MLLT10: variants seen among roughly 807,000 people sequenced by gnomAD.
MLLT10 encodes MLLT10 histone lysine methyltransferase DOT1L cofactor.
Under a neutral mutation model 129.1 loss-of-function variants are expected in MLLT10, and 30 were observed. That is an observed-to-expected ratio of 0.23 (90% confidence interval 0.17 to 0.32). The LOEUF (loss-of-function observed/expected upper bound fraction) is 0.32, where lower values mean the gene tolerates loss of function less well. MLLT10 is among the 10% of genes least tolerant of loss of function. The pLI, the probability that MLLT10 is intolerant of heterozygous loss-of-function variation, is 1.00. For missense variants in MLLT10, 1,119 were observed against 1,268.3 expected (o/e 0.88, Z 1.79); for synonymous variants, 490 against 446.4 (o/e 1.10, Z -1.23).
chr10:21,582,062 T>A (rs1439260158), intron 3 of MLLT10, among the ~76,000 whole-genome samples: 1 of 152,174 alleles, frequency 6.6e-6, no homozygotes, highest in Non-Finnish European at 1.5e-5. Context: ...GCAGACTGCA[T>A]TTTGAGAGAG....
rs747610619 is a variant in MLLT10, at chr10:21,569,554, A to G, written c.241-16740A>G. Among the ~76,000 whole-genome samples the G allele has an allele frequency of 2.0e-3, 291 of 148,550 alleles. 1 individual carries two copies. Among genetic ancestry groups the G allele is most frequent in the Middle Eastern group, 0.011 (3 of 276 alleles). ...TCCTGCCTCAGCCTCCCGAGTAGCT[A>G]GGATTACTGTTGTGCGCCATCATGC... On this transcript the variant is annotated intron_variant, in intron 3 of 22. Coordinates refer to ENST00000307729, the MANE Select transcript of MLLT10 (RefSeq NM_001195626.3).
chr10:21,696,826 C>G (rs536134862), intron 13 of MLLT10, among the ~76,000 whole-genome samples: 2 of 152,182 alleles, frequency 1.3e-5, no homozygotes, highest in African/African-American at 4.8e-5. Context: ...AGTCATCTCC[C>G]TGACTCCACT....
intron 8 of MLLT10, among the ~76,000 whole-genome samples, chr10:21,634,203 C>T (rs1385171068): frequency 2.6e-5 from 4 of 152,102 alleles, no homozygotes; most frequent in African/African-American, 9.7e-5. Context: ...TCACACCCAG[C>T]CTGGGTGACA....
At chr10:21,708,428 A>G (rs1281130079) in intron 13 of MLLT10, among the ~76,000 whole-genome samples, 1 of 152,242 alleles carries the variant, frequency 6.6e-6, no homozygotes, top group South Asian at 2.1e-4. Flanking sequence ...GAAGAATTTA[A>G]GGTGGATGTT....
intron 8 of MLLT10, among the ~76,000 whole-genome samples, chr10:21,623,240 C>T (rs2046079445): frequency 2.0e-5 from 3 of 152,140 alleles, no homozygotes; most frequent in Admixed American, 1.3e-4. Flanking sequence ...AGCCCTTCAC[C>T]CCTCAACAGA....
At chr10:21,737,391 G>A (rs1156808470) in intron 21 of MLLT10, among the ~76,000 whole-genome samples, 1 of 152,124 alleles carries the variant, frequency 6.6e-6, no homozygotes, top group Non-Finnish European at 1.5e-5. Flanking sequence ...GGGCAGTTTC[G>A]ACTCATTTTG....
rs779340444 is a variant in MLLT10 at position 21,734,073 on chromosome 10, C to A, written c.2802C>A (p.Thr934=). The change falls in exon 20 of 23, where the codon ACC becomes ACA. Residue 934 remains threonine (T), a synonymous_variant. Coordinates refer to ENST00000307729, the MANE Select transcript of MLLT10 (RefSeq NM_001195626.3). ...VTMSQNPTPL[T]HTTVPPNATH... ...TGTCCCAGAACCCTACCCCTCTCAC[C>A]CACACAACCGTACCACCTAATGCAA... 1.2e-6 allele frequency: 2 copies of A among 1,614,016 alleles called. No homozygotes were observed. Among genetic ancestry groups the A allele is most frequent in the Admixed American group, 3.3e-5 (2 of 60,022 alleles).
chr10:21,706,206 C>A (rs935719339), intron 13 of MLLT10, among the ~76,000 whole-genome samples: 1 of 152,196 alleles, frequency 6.6e-6, no homozygotes, highest in African/African-American at 2.4e-5. Context: ...CTCTCTCAAT[C>A]CTATTTAATT....
chr10:21,646,324 G>C (rs2048471355), intron 8 of MLLT10, among the ~76,000 whole-genome samples: 2 of 152,196 alleles, frequency 1.3e-5, no homozygotes, highest in South Asian at 4.1e-4. Context: ...ATTACAGAGA[G>C]CAAATGATGC....
chr10:21,625,707 G>A, intron 8 of MLLT10: 1 of 767,676 alleles, frequency 1.3e-6, no homozygotes, highest in South Asian at 1.3e-5. Flanking sequence ...ACAAAAGTCT[G>A]TTGTTTGCCA....
chr10:21,674,059 T>A, intron 11 of MLLT10, 140 bp downstream of exon 11: 1 of 679,894 alleles, frequency 1.5e-6, no homozygotes, highest in Non-Finnish European at 2.2e-6. Context: ...TCTCAGTTTT[T>A]AAATTTTCTA....
At chr10:21,658,043 T>G (rs1451477096) in intron 9 of MLLT10, among the ~76,000 whole-genome samples, 1 of 152,204 alleles carries the variant, frequency 6.6e-6, no homozygotes, top group Non-Finnish European at 1.5e-5. Flanking sequence ...ATTTAAAAGT[T>G]AAGCTTTTTT....
rs1247097581 is a variant in MLLT10 at position 21,681,423 on chromosome 10, A to G, written c.1666+47A>G. On this transcript the variant is annotated intron_variant, in intron 12 of 22. Coordinates refer to ENST00000307729, the MANE Select transcript of MLLT10 (RefSeq NM_001195626.3). The stretch of plus-strand genomic sequence containing the variant: ...ATAACCCGGGCCTTTTGTCTCCTCT[A>G]GTGCTCTTTCTAGTATGTTATGCCA... 10 of 1,354,424 alleles carry G rather than the reference A, an allele frequency of 7.4e-6. No individual in the cohort carries two copies. In the Admixed American group the frequency reaches 1.6e-4, roughly 22 times the overall value. The allele number at this position is 1,354,424 out of a possible 1,614,324, so 83.9% of individuals were successfully genotyped here. A position where few individuals can be genotyped will look rare whatever the true frequency, so the allele number is the denominator to read the frequency against.
At chr10:21,557,558 G>A (rs942498088) in intron 3 of MLLT10, 1 of 152,590 alleles carries the variant, frequency 6.6e-6, no homozygotes, top group Non-Finnish European at 1.5e-5. Context: ...CTTCCGTGGG[G>A]TTTAGGACTT....
rs372580182 is a variant in MLLT10, at chr10:21,673,399, A to G, written c.1101A>G (p.Ser367=). The G allele has an allele frequency of 8.4e-6, 13 of 1,556,808 alleles. No homozygotes were observed. The highest frequency in any genetic ancestry group is 1.5e-5 in the African/African-American group (1 of 68,692). Residue 367 remains serine (S), a synonymous_variant, in exon 11 of 23, where the codon TCA becomes TCG. Coordinates refer to ENST00000307729, the MANE Select transcript of MLLT10 (RefSeq NM_001195626.3). Reference sequence around the variant, plus strand: ...GTGTAAAGTCATCTTCTGGAAGTTCAGTGCAGTCTCCCCAGGATTTCCTGA... The same window carrying G: ...GTGTAAAGTCATCTTCTGGAAGTTCGGTGCAGTCTCCCCAGGATTTCCTGA... ...PGSVKSSSGS[S]VQSPQDFLSF...
chr10:21,668,557 C>T (rs997758768), intron 9 of MLLT10, among the ~76,000 whole-genome samples: 1 of 151,972 alleles, frequency 6.6e-6, no homozygotes, highest in Non-Finnish European at 1.5e-5. Context: ...TGATTATGTT[C>T]TGAAACGTAG....
intron 14 of MLLT10, among the ~76,000 whole-genome samples, chr10:21,719,014 G>A (rs941232000): frequency 6.6e-6 from 1 of 152,140 alleles, no homozygotes; most frequent in African/African-American, 2.4e-5. Context: ...GAGCCACCTC[G>A]CCTGGGCATA....
rs1036635585 is a variant in MLLT10, at chr10:21,572,631, G to GT, written c.241-13656dup. ...TTTAAAATTACTTTTTTTTTTTCCTGTTTTTTTGAGACAGAGTCTTACTCT... is the reference window on the plus strand; with the variant it reads ...TTTAAAATTACTTTTTTTTTTTCCTGTTTTTTTTGAGACAGAGTCTTACTCT... On this transcript the variant is annotated intron_variant, in intron 3 of 22. Transcript: ENST00000307729. 1.9e-4 allele frequency among the ~76,000 whole-genome samples: 29 copies of GT among 149,196 alleles called. 1 individual carries two copies. In the East Asian group the frequency reaches 5.1e-3, roughly 26 times the overall value.
intron 8 of MLLT10, among the ~76,000 whole-genome samples, chr10:21,648,234 C>G (rs1228551409): frequency 6.6e-6 from 1 of 152,140 alleles, no homozygotes; most frequent in African/African-American, 2.4e-5. Context: ...ATTTGATAGG[C>G]TGTTCATATG....
Sources: gnomAD v4.1 joint callset for allele counts (sites outside exome capture counted in the v4.1 genomes callset) on GRCh38, gnomAD v4.1.1 for gene constraint, MANE v1.5 for transcripts, NCBI Gene and HGNC (gene_info 2026-07-23, HGNC 2026-07-21) for gene names.